DVL1: variants seen among roughly 807,000 people sequenced by gnomAD.
The protein encoded by DVL1 is dishevelled segment polarity protein 1.
DVL1 carries 49 observed loss-of-function variants against 65.0 expected under a neutral mutation model. The ratio of observed to expected loss-of-function variants is 0.75; its 90% CI spans 0.60 to 0.96. The LOEUF is 0.96. Ranked by LOEUF, DVL1 falls within the 40% of genes least tolerant of loss-of-function variation. The pLI, the probability that DVL1 is intolerant of heterozygous loss-of-function variation, is 0.00. For missense variants in DVL1, 1,197 were observed against 1,045.4 expected (o/e 1.15, Z -2.00); for synonymous variants, 608 against 433.9 (o/e 1.40, Z -4.99).
Position 1,338,245 on chromosome 1 carries a change from CTGAA to C in DVL1, c.1507+20_1507+23del. On this transcript the variant is annotated intron_variant, in intron 13 of 14. Transcript: ENST00000378888. ...CTCCGGCGTTCCCCTCCCCCCCGCCCTGAAGCCCGAAGCCCCCACTCACTGCTGC... is the reference window on the plus strand; with the variant it reads ...CTCCGGCGTTCCCCTCCCCCCCGCCCGCCCGAAGCCCCCACTCACTGCTGC... 2 of 1,588,784 alleles carry C rather than the reference CTGAA, an allele frequency of 1.3e-6. No homozygotes were observed. The highest frequency in any genetic ancestry group is 1.7e-6 in the Non-Finnish European group (2 of 1,165,378).
chr1:1,341,672 C>A lies in DVL1; in HGVS notation c.600G>T (p.Thr200=), dbSNP rs754245807. 8.1e-6 allele frequency: 13 copies of A among 1,603,226 alleles called. No individual in the cohort carries two copies. Among genetic ancestry groups the A allele is most frequent in the Non-Finnish European group, 1.0e-5 (12 of 1,172,184 alleles). ...CCACAGACACTCCCACACACCTGCT[C>A]GTGCTGCCATCCTCGTCCGAGTCCA... is the stretch of plus-strand genomic sequence containing the variant. ...SFVDSDEDGS[T]SRLSSSTEQS... is the part of the protein sequence containing the mutation. Residue 200 remains threonine (T), a synonymous_variant, in exon 5 of 15, where the codon ACG becomes ACT. Coordinates refer to ENST00000378888, the MANE Select transcript of DVL1 (RefSeq NM_001330311.2).
chr1:1,340,408 AC>A lies in DVL1; in HGVS notation c.699+1del. 1 of 1,606,400 alleles carries A rather than the reference AC, an allele frequency of 6.2e-7. No individual in the cohort carries two copies. Among genetic ancestry groups the A allele is most frequent in the Non-Finnish European group, 8.5e-7 (1 of 1,177,274 alleles). On this transcript the variant is annotated splice_donor_variant, in intron 6 of 14. Coordinates refer to ENST00000378888, the MANE Select transcript of DVL1 (RefSeq NM_001330311.2). LOFTEE classifies it high-confidence loss of function. ...CCCGCCCTGCTCCACCCGGCTGCCT[AC>A]CCGGTCCGCCTGCCGAAGGCGCTGC...
chr1:1,344,507 C>A (rs1269479903), intron 1 of DVL1, among the ~76,000 whole-genome samples: 1 of 152,180 alleles, frequency 6.6e-6, no homozygotes, highest in East Asian at 1.9e-4. Flanking sequence ...GGACAGCAGG[C>A]AGGGCCAGCC....
rs562753230 is a variant in DVL1 at position 1,336,293 on chromosome 1, G to A, written c.1937C>T (p.Pro646Leu). The A allele has an allele frequency of 1.3e-5, 20 of 1,563,162 alleles. No homozygotes were observed. In the African/African-American group the frequency reaches 2.6e-4, roughly 20 times the overall value. ...CACCACTGTATAGGCCTTGGTCGTG[G>A]GGTGGGGCGGGGGGAGCCCCGGGGC... ...ATAPGLPPPH[P>L]TTKAYTVVGG... Residue 646 changes from proline to leucine, a missense_variant, in exon 15 of 15, where the codon CCC becomes CTC. By Grantham distance (98) the Pro-to-Leu change is moderately conservative (BLOSUM62 -3). Transcript: ENST00000378888.
intron 4 of DVL1, 33 bp downstream of exon 4, chr1:1,342,020 G>T: frequency 6.5e-7 from 1 of 1,528,022 alleles, no homozygotes; most frequent in Non-Finnish European, 8.9e-7. Flanking sequence ...GGGAGGCTGG[G>T]GGTCCACAGC....
At chr1:1,345,946 G>A (rs1643908934) in intron 1 of DVL1, among the ~76,000 whole-genome samples, 1 of 152,170 alleles carries the variant, frequency 6.6e-6, no homozygotes, top group Non-Finnish European at 1.5e-5. Flanking sequence ...CCTGGGTGGT[G>A]CCGAGTCCTG....
At chr1:1,343,146 G>A (rs1292037072) in intron 1 of DVL1, among the ~76,000 whole-genome samples, 6 of 152,136 alleles carry the variant, frequency 3.9e-5, no homozygotes, top group Non-Finnish European at 8.8e-5. Context: ...GACAGCTAGG[G>A]TGAGGCCTCC....
chr1:1,336,320 G>C lies in DVL1; in HGVS notation c.1910C>G (p.Thr637Ser). Reference sequence around the variant, plus strand: ...GTGGGGCGGGGGGAGCCCCGGGGCGGTAGCCGAGGCCTGACTGCGTGGGCT... The same window carrying C: ...GTGGGGCGGGGGGAGCCCCGGGGCGCTAGCCGAGGCCTGACTGCGTGGGCT... ...GSSPRSQASA[T>S]APGLPPPHPT... The change falls in exon 15 of 15, where the codon ACC (threonine) becomes AGC (serine). Residue 637 changes from threonine to serine, a missense_variant. Coordinates refer to ENST00000378888, the MANE Select transcript of DVL1 (RefSeq NM_001330311.2). 6.3e-7 allele frequency: 1 copy of C among 1,575,910 alleles called. No homozygotes were observed. The highest frequency in any genetic ancestry group is 8.6e-7 in the Non-Finnish European group (1 of 1,168,010).
rs763938693 is a variant in DVL1, at chr1:1,336,338, C to T, written c.1892G>A (p.Arg631His). The change falls in exon 15 of 15, where the codon CGC becomes CAC. Residue 631 changes from arginine to histidine, a missense_variant. Arg to His is a conservative substitution (Grantham distance 29). Transcript: ENST00000378888. ...AGQLSRGSSP[R>H]SQASATAPGL... is the part of the protein sequence containing the mutation. ...CGGGGCGGTAGCCGAGGCCTGACTG[C>T]GTGGGCTGCTGCCACGGCTGAGCTG... 6.3e-6 allele frequency: 10 copies of T among 1,590,324 alleles called. No individual in the cohort carries two copies. In the East Asian group the frequency reaches 9.0e-5, roughly 14 times the overall value.
Position 1,336,609 on chromosome 1 carries a change from G to A in DVL1, c.1715-94C>T, listed in dbSNP as rs949739296. On this transcript the variant is annotated intron_variant, in intron 14 of 14. Coordinates refer to ENST00000378888, the MANE Select transcript of DVL1 (RefSeq NM_001330311.2). ...CCCCGCCAGGTGACCGGGCAGGAAC[G>A]GTGGCCCGTGCAGGACGGGTGGGTG... 26 of 1,437,684 alleles carry A rather than the reference G, an allele frequency of 1.8e-5. No homozygotes were observed. In the East Asian group the frequency reaches 4.1e-4, roughly 23 times the overall value. 89.1% of individuals were successfully genotyped at this position (1,437,684 alleles called of 1,614,324 possible). A position where few individuals can be genotyped will look rare whatever the true frequency, so the allele number is the denominator to read the frequency against.
intron 1 of DVL1, among the ~76,000 whole-genome samples, chr1:1,343,045 G>A (rs1490824803): frequency 2.0e-5 from 3 of 151,930 alleles, no homozygotes; most frequent in South Asian, 2.1e-4. Flanking sequence ...CCCCCAGCAT[G>A]GGGACAGTGG....
intron 14 of DVL1, chr1:1,336,885 C>T (rs569858898): frequency 6.3e-6 from 4 of 632,136 alleles, no homozygotes; most frequent in African/African-American, 2.0e-5. Flanking sequence ...GCCCCACTGT[C>T]CCCCCGGCCC....
Position 1,338,249 on chromosome 1 carries a change from A to C in DVL1, c.1507+20T>G, listed in dbSNP as rs1470651415. The C allele has an allele frequency of 6.2e-6, 5 of 806,560 alleles. No homozygotes were observed. Among genetic ancestry groups the C allele is most frequent in the Non-Finnish European group, 3.9e-6 (2 of 509,332 alleles). 50.0% of individuals were successfully genotyped at this position (806,560 alleles called of 1,614,324 possible). Reference sequence around the variant, plus strand: ...GGCGTTCCCCTCCCCCCCGCCCTGAAGCCCGAAGCCCCCACTCACTGCTGC... The same window carrying C: ...GGCGTTCCCCTCCCCCCCGCCCTGACGCCCGAAGCCCCCACTCACTGCTGC... On this transcript the variant is annotated intron_variant, in intron 13 of 14. Transcript: ENST00000378888.
chr1:1,337,635 A>T (rs1419664352), intron 14 of DVL1: 6 of 463,416 alleles, frequency 1.3e-5, no homozygotes, highest in Non-Finnish European at 4.0e-6. Flanking sequence ...ACAGCCGCCC[A>T]GGCCGCCAGG....
rs942139455 is a variant in DVL1 at position 1,343,101 on chromosome 1, C to T, written c.171-343G>A. 3.9e-5 allele frequency among the ~76,000 whole-genome samples: 6 copies of T among 152,298 alleles called. No homozygotes were observed. In the East Asian group the frequency reaches 7.7e-4, roughly 20 times the overall value. The stretch of plus-strand genomic sequence containing the variant: ...GCAGCTCAGCCAAAGGCTCTCAGTC[C>T]CCTGCAGCGTTGGTCCCCAGCCCCC... On this transcript the variant is annotated intron_variant, in intron 1 of 14. Transcript: ENST00000378888.
chr1:1,342,135 A>C lies in DVL1; in HGVS notation c.384T>G (p.Arg128=), dbSNP rs1206382630. The C allele has an allele frequency of 6.3e-7, 1 of 1,579,454 alleles. No individual in the cohort carries two copies. The highest frequency in any genetic ancestry group is 8.6e-7 in the Non-Finnish European group (1 of 1,163,794). Residue 128 remains arginine, a synonymous_variant, in exon 4 of 15, where the codon CGT becomes CGG. Transcript: ENST00000378888. The part of the protein sequence containing the change: ...PSFHPNVASS[R]DGMDNETGTE... ...TGCCTGTCTCGTTGTCCATCCCGTC[A>C]CGGCTGCTGGCCACATTTGGGCTGT...
chr1:1,338,611 G>A lies in DVL1; in HGVS notation c.1250C>T (p.Ala417Val). 6.2e-7 allele frequency: 1 copy of A among 1,612,050 alleles called. No homozygotes were observed. Among genetic ancestry groups the A allele is most frequent in the Non-Finnish European group, 8.5e-7 (1 of 1,179,862 alleles). ...TGGCAGCTGCATGACCCGGACGACG[G>A]CGCTCATGTCACTCTTCACCGTCAG... is the stretch of plus-strand genomic sequence containing the variant. ...APLTVKSDMSAVVRVMQLPDS... is the reference protein window; with the variant it reads ...APLTVKSDMSVVVRVMQLPDS... Residue 417 changes from alanine (A) to valine (V), a missense_variant, in exon 12 of 15, where the codon GCC becomes GTC. By Grantham distance (64) the Ala-to-Val change is moderately conservative (BLOSUM62 0). Coordinates refer to ENST00000378888, the MANE Select transcript of DVL1 (RefSeq NM_001330311.2).
chr1:1,342,240 G>GGACCCC, intron 3 of DVL1, 84 bp from the exon 4 acceptor site: 1 of 1,500,610 alleles, frequency 6.7e-7, no homozygotes, highest in East Asian at 2.5e-5. Flanking sequence ...CTCGCCTGTG[G>GGACCCC]GACCCCAGCC....
At chr1:1,339,165 G>A in intron 11 of DVL1, 122 bp downstream of exon 11, 3 of 1,335,650 alleles carry the variant, frequency 2.2e-6, no homozygotes, top group Non-Finnish European at 3.1e-6. Flanking sequence ...CAGGGAGTTG[G>A]GGACAGGCAA....
Sources: gnomAD v4.1 joint callset for allele counts (sites outside exome capture counted in the v4.1 genomes callset) on GRCh38, gnomAD v4.1.1 for gene constraint, MANE v1.5 for transcripts, NCBI Gene and HGNC (gene_info 2026-07-23, HGNC 2026-07-21) for gene names.